Variants in TUSC3 observed in about 807,000 individuals in gnomAD.
TUSC3 encodes tumor suppressor candidate 3.
A neutral mutation model predicts 44.8 loss-of-function variants in TUSC3; 45 were observed. The observed-to-expected ratio is 1.00, with a 90% confidence interval of 0.79 to 1.29. The LOEUF (loss-of-function observed/expected upper bound fraction) is 1.29. TUSC3 is among the 50% of genes most tolerant of loss of function. The pLI, the probability that TUSC3 is intolerant of heterozygous loss-of-function variation, is 0.00. For synonymous variants in TUSC3, 212 were observed against 152.9 expected (o/e 1.39, Z -2.85); for missense variants, 519 against 437.9 (o/e 1.19, Z -1.65).
At chr8:15,795,467 G>A in the TUSC3 span, among the ~76,000 whole-genome samples, 1 of 152,150 alleles carries the variant, frequency 6.6e-6, no homozygotes, top group South Asian at 2.1e-4. Flanking sequence ...CCCACACGTT[G>A]CACATTAAAA....
chr8:15,542,495 G>A (rs953747279), intron 1 of TUSC3, among the ~76,000 whole-genome samples: 1 of 151,986 alleles, frequency 6.6e-6, no homozygotes, highest in Non-Finnish European at 1.5e-5. Flanking sequence ...GCCCTCGGTG[G>A]AGAAGAGGGG....
intron 3 of TUSC3, among the ~76,000 whole-genome samples, chr8:15,657,280 T>A (rs1030246275): frequency 6.6e-6 from 1 of 152,212 alleles, no homozygotes; most frequent in Non-Finnish European, 1.5e-5. Context: ...ATTGTGTCTT[T>A]AAATCATTTT....
chr8:15,459,998 G>T (rs1800322914), intron 1 of TUSC3, among the ~76,000 whole-genome samples: 1 of 152,128 alleles, frequency 6.6e-6, no homozygotes, highest in Non-Finnish European at 1.5e-5. Flanking sequence ...CTATAAACAT[G>T]CATGTGCAAG....
At chr8:15,720,389 A>G (rs1346950081) in intron 6 of TUSC3, among the ~76,000 whole-genome samples, 5 of 152,044 alleles carry the variant, frequency 3.3e-5, no homozygotes, top group African/African-American at 1.2e-4. Flanking sequence ...TCAACCAGTA[A>G]CACTCATTAT....
chr8:15,650,686 A>G lies in TUSC3; in HGVS notation c.309-11A>G. ...TGATGTGTTTCTACTATGGCCCATT[A>G]TTCTTATCAGGCAAGCTAATGAAGA... On this transcript the variant is annotated splice_polypyrimidine_tract_variant and intron_variant, in intron 2 of 10. Transcript: ENST00000503731. The G allele has an allele frequency of 1.2e-6, 2 of 1,612,156 alleles. No individual in the cohort carries two copies. Among genetic ancestry groups the G allele is most frequent in the Non-Finnish European group, 1.7e-6 (2 of 1,178,306 alleles).
At chr8:15,466,710 A>G (rs17657403) in intron 1 of TUSC3, among the ~76,000 whole-genome samples, 7,947 of 152,108 alleles carry the variant, frequency 0.052, 263 homozygotes, top group East Asian at 0.14. Context: ...ATTTTCTTTA[A>G]TTCCTGTTTT....
chr8:15,468,157 T>C (rs1289534108), intron 1 of TUSC3, among the ~76,000 whole-genome samples: 1 of 152,220 alleles, frequency 6.6e-6, no homozygotes, highest in Non-Finnish European at 1.5e-5. Flanking sequence ...ATCATATAAT[T>C]ATCATCCTGA....
chr8:15,703,368 TC>T (rs1198727236), intron 6 of TUSC3, among the ~76,000 whole-genome samples: 1 of 152,150 alleles, frequency 6.6e-6, no homozygotes, highest in African/African-American at 2.4e-5. Context: ...GGGAATTTTT[TC>T]TTCAAATTTA....
the TUSC3 span, among the ~76,000 whole-genome samples, chr8:15,792,250 G>A: frequency 6.6e-6 from 1 of 152,106 alleles, no homozygotes; most frequent in East Asian, 1.9e-4. Context: ...GGTAGAAATA[G>A]GTTGGCTCTC....
intron 1 of TUSC3, among the ~76,000 whole-genome samples, chr8:15,567,090 C>T (rs1563293407): frequency 6.6e-6 from 1 of 152,052 alleles, no homozygotes; most frequent in Non-Finnish European, 1.5e-5. Flanking sequence ...CTTGGTTAAG[C>T]CACCATATCT....
At chr8:15,767,869 C>A (rs565717362), downstream of TUSC3, among the ~76,000 whole-genome samples, 1 of 152,046 alleles carries the variant, frequency 6.6e-6, no homozygotes, top group East Asian at 1.9e-4. Context: ...ACACTGAAAG[C>A]CTGGAAGGAA....
At chr8:15,812,997 G>A in the TUSC3 span, among the ~76,000 whole-genome samples, 1 of 152,216 alleles carries the variant, frequency 6.6e-6, no homozygotes, top group East Asian at 1.9e-4. Flanking sequence ...AGGAGGCTGA[G>A]GCACAAGAAT....
the TUSC3 span, among the ~76,000 whole-genome samples, chr8:15,783,411 G>A: frequency 3.3e-5 from 5 of 152,126 alleles, no homozygotes; most frequent in African/African-American, 9.7e-5. Flanking sequence ...ATCCTAAATA[G>A]CTGAAGCAAT....
At chr8:15,665,206 TTAAAA>T (rs1365502328) in intron 5 of TUSC3, among the ~76,000 whole-genome samples, 15 of 151,542 alleles carry the variant, frequency 9.9e-5, no homozygotes, top group Admixed American at 8.6e-4. Context: ...AGGAAAGCTC[TTAAAA>T]TAAAACAGTA....
At chr8:15,842,435 A>G in the TUSC3 span, among the ~76,000 whole-genome samples, 1 of 152,186 alleles carries the variant, frequency 6.6e-6, no homozygotes, top group African/African-American at 2.4e-5. Context: ...AAGCCTTGAC[A>G]TGTTTTTCAT....
At chr8:15,762,306 C>T (rs978800432) in intron 10 of TUSC3, among the ~76,000 whole-genome samples, 2 of 151,686 alleles carry the variant, frequency 1.3e-5, no homozygotes, top group Non-Finnish European at 2.9e-5. Context: ...ATCTAACTAA[C>T]AAGTAATCAG....
At chr8:15,730,800 C>T in intron 7 of TUSC3, 71 bp downstream of exon 7, 1 of 1,470,068 alleles carries the variant, frequency 6.8e-7, no homozygotes, top group Non-Finnish European at 9.4e-7. Context: ...TGACATTTTT[C>T]CTGGCAGTAA....
At chr8:15,584,520 T>C (rs894360844) in intron 1 of TUSC3, among the ~76,000 whole-genome samples, 3 of 152,144 alleles carry the variant, frequency 2.0e-5, no homozygotes, top group African/African-American at 7.2e-5. Flanking sequence ...ACAGGAAAAC[T>C]AACAAGAGCA....
rs189721909 is a variant in TUSC3 at position 15,435,092 on chromosome 8, A to T, written n.91+17787A>T. 2.8e-3 allele frequency among the ~76,000 whole-genome samples: 410 copies of T among 148,782 alleles called. 3 individuals carry two copies. The East Asian group carries it at 0.046, about 17-fold the overall frequency. ...GGTCAAATGGTATTTCTAGTTCTAG[A>T]TCCCTGAGGAATCGCCACACCGACT... On this transcript the variant is annotated intron_variant and non_coding_transcript_variant, in intron 1 of 5. Coordinates refer to the TUSC3 transcript ENST00000503191.
Sources: allele counts gnomAD v4.1 joint callset (sites outside exome capture counted in the v4.1 genomes callset), GRCh38; gene constraint gnomAD v4.1.1; transcripts MANE v1.5; gene names NCBI Gene and HGNC (gene_info 2026-07-23, HGNC 2026-07-21).